Variants in SLC3A1 observed in about 807,000 individuals in gnomAD.
SLC3A1 encodes the protein solute carrier family 3 member 1, also known as amino acid transporter heavy chain SLC3A1.
In SLC3A1, 78 loss-of-function variants were observed where a neutral mutation model predicts 60.3. The observed-to-expected ratio is 1.29, with a 90% CI of 1.08 to 1.56. The LOEUF is 1.56. Ranked by LOEUF, SLC3A1 falls within the 40% of genes most tolerant of loss-of-function variation. The probability of loss-of-function intolerance (pLI) is 0.00; values close to 1 mark genes in which losing one functional copy is unlikely to be tolerated. For missense variants in SLC3A1, 1,172 were observed against 858.9 expected, an observed-to-expected ratio of 1.36 and a Z score of -4.56; for synonymous variants, 392 against 307.9, an observed-to-expected ratio of 1.27 and a Z score of -2.86.
rs1671998882 is a variant in SLC3A1 at position 44,301,242 on chromosome 2, ACT to A, written c.1136+118_1136+119del. 8.3e-6 allele frequency: 11 copies of A among 1,319,378 alleles called. No individual in the cohort carries two copies. The East Asian group carries it at 2.7e-4, about 32-fold the overall frequency. The allele number at this position is 1,319,378 out of a possible 1,614,324, so 81.7% of individuals were successfully genotyped here. On this transcript the variant is annotated intron_variant, in intron 6 of 9. Transcript: ENST00000260649. ...AGTAATAATGTAACAAGCCTGCATAACTCTAATTGATTACAGTTTGGTTGTAC... is the reference window on the plus strand; with the variant it reads ...AGTAATAATGTAACAAGCCTGCATAACTAATTGATTACAGTTTGGTTGTAC...
Position 44,300,014 on chromosome 2 carries a change from G to C in SLC3A1, c.935G>C (p.Ser312Thr), listed in dbSNP as rs201325919. Residue 312 changes from serine (S) to threonine (T), a missense_variant, in exon 5 of 10, where the codon AGT becomes ACT. Physicochemically the swap from Ser to Thr is moderately conservative, Grantham distance 58 (BLOSUM62 1). Coordinates refer to ENST00000260649, the MANE Select transcript of SLC3A1 (RefSeq NM_000341.4). ...FWLTKGVDGFSLDAVKFLLEA... is the reference protein window; with the variant it reads ...FWLTKGVDGFTLDAVKFLLEA... ...CTCACAAAGGGTGTTGATGGTTTTA[G>C]TTTGGATGCTGTTAAATTCCTCCTA... 6.8e-5 allele frequency: 109 copies of C among 1,613,868 alleles called. 1 individual carries two copies. The highest frequency in any genetic ancestry group is 7.5e-5 in the Non-Finnish European group (89 of 1,179,890).
chr2:44,292,751 G>T (rs1327952087), intron 4 of SLC3A1, among the ~76,000 whole-genome samples: 1 of 152,014 alleles, frequency 6.6e-6, no homozygotes, highest in East Asian at 1.9e-4. Context: ...GAGTTGTCCA[G>T]TATCACTGGG....
chr2:44,282,113 C>G (rs890520762), intron 3 of SLC3A1, among the ~76,000 whole-genome samples: 2 of 152,148 alleles, frequency 1.3e-5, no homozygotes, highest in Non-Finnish European at 2.9e-5. Flanking sequence ...CTCAGGTGAT[C>G]CACCTGCCTC....
At chr2:44,300,733 G>T (rs1005524285) in intron 5 of SLC3A1, among the ~76,000 whole-genome samples, 6 of 152,030 alleles carry the variant, frequency 3.9e-5, no homozygotes, top group Admixed American at 6.6e-5. Flanking sequence ...TGACAATTAC[G>T]TGTTGAGAAC....
At chr2:44,300,761 G>C (rs897371893) in intron 5 of SLC3A1, among the ~76,000 whole-genome samples, 1 of 152,056 alleles carries the variant, frequency 6.6e-6, no homozygotes, top group African/African-American at 2.4e-5. Context: ...TCAGTGTTTT[G>C]CTTGGTAAAA....
downstream of SLC3A1, chr2:44,321,611 T>C: frequency 6.8e-7 from 1 of 1,480,190 alleles, no homozygotes; most frequent in Admixed American, 2.6e-5. Flanking sequence ...CAATTAAGAT[T>C]AAATTATTTT....
chr2:44,321,638 G>A (rs763720338), downstream of SLC3A1: 72 of 1,496,406 alleles, frequency 4.8e-5, no homozygotes, highest in Middle Eastern at 1.7e-4. Context: ...CAGAGCTCAC[G>A]TATCAAGTAC....
chr2:44,312,675 A>C lies in SLC3A1; in HGVS notation c.1422A>C (p.Gly474=). 1 of 1,613,480 alleles carries C rather than the reference A, an allele frequency of 6.2e-7. No homozygotes were observed. Among genetic ancestry groups the C allele is most frequent in the South Asian group, 1.1e-5 (1 of 91,058 alleles). ...VMNMLLFTLP[G]TPITYYGEEI... ...ACATGCTTCTTTTCACACTCCCTGG[A>C]ACTCCTATAACTTACTATGGAGAAG... The change falls in exon 8 of 10, where the codon GGA becomes GGC. Residue 474 remains glycine, a synonymous_variant. Transcript: ENST00000260649.
chr2:44,315,805 A>G (rs1364633269), intron 9 of SLC3A1, among the ~76,000 whole-genome samples: 1 of 151,708 alleles, frequency 6.6e-6, no homozygotes, highest in Non-Finnish European at 1.5e-5. Context: ...AAAAATCTAG[A>G]ACTGTTTGGT....
chr2:44,305,733 C>T (rs1025647745), intron 7 of SLC3A1, among the ~76,000 whole-genome samples: 42 of 151,568 alleles, frequency 2.8e-4, no homozygotes, highest in African/African-American at 1.0e-3. Context: ...CTGGCCCTTC[C>T]TTTCTTTAAT....
At position 44,279,822 on chromosome 2, in the gene SLC3A1, C is replaced by G. The variant is rs535182657; in HGVS notation, c.431-894C>G. On this transcript the variant is annotated intron_variant, in intron 1 of 9. Transcript: ENST00000260649. ...AAACAATCTGCCCACCATGGCCTCCCAAAGTGCTGGGATTACAGGCACGTG... is the reference window on the plus strand; with the variant it reads ...AAACAATCTGCCCACCATGGCCTCCGAAAGTGCTGGGATTACAGGCACGTG... 4.6e-5 allele frequency among the ~76,000 whole-genome samples: 7 copies of G among 152,232 alleles called. 1 individual carries two copies. Among genetic ancestry groups the G allele is most frequent in the African/African-American group, 1.4e-4 (6 of 41,528 alleles).
At chr2:44,298,694 C>A (rs1211752815) in intron 4 of SLC3A1, among the ~76,000 whole-genome samples, 1 of 152,060 alleles carries the variant, frequency 6.6e-6, no homozygotes, top group African/African-American at 2.4e-5. Flanking sequence ...CTTATTTGCA[C>A]CAGTCTTCAT....
chr2:44,317,412 T>C (rs1241134225), intron 9 of SLC3A1, among the ~76,000 whole-genome samples: 2 of 149,626 alleles, frequency 1.3e-5, no homozygotes, highest in Non-Finnish European at 3.0e-5. Flanking sequence ...CAGTGAGCCA[T>C]GATCATGCCA....
At chr2:44,309,927 C>T (rs1455342989) in intron 7 of SLC3A1, among the ~76,000 whole-genome samples, 3 of 150,624 alleles carry the variant, frequency 2.0e-5, no homozygotes, top group Non-Finnish European at 2.9e-5. Flanking sequence ...CTCACTTTGT[C>T]ATCACCTAGG....
intron 7 of SLC3A1, among the ~76,000 whole-genome samples, chr2:44,306,499 T>C (rs1279107731): frequency 6.6e-6 from 1 of 151,552 alleles, no homozygotes; most frequent in African/African-American, 2.4e-5. Context: ...ATTAAAACTA[T>C]ACAATTTTTA....
intron 9 of SLC3A1, chr2:44,319,091 T>C (rs1296296333): frequency 6.6e-6 from 1 of 152,528 alleles, no homozygotes; most frequent in East Asian, 1.9e-4. Context: ...CTTAGACAAG[T>C]CATACATGTA....
chr2:44,291,611 T>C (rs1000980274), intron 4 of SLC3A1, among the ~76,000 whole-genome samples: 5 of 152,274 alleles, frequency 3.3e-5, no homozygotes, highest in East Asian at 3.9e-4. Context: ...AAAGGGACCT[T>C]TGGCATGAAG....
At position 44,320,094 on chromosome 2, in the gene SLC3A1, T is replaced by C. The variant is rs550133883; in HGVS notation, c.1618-105T>C. 8.7e-5 allele frequency: 87 copies of C among 1,004,540 alleles called. No individual in the cohort carries two copies. The African/African-American group carries it at 9.7e-4, about 11-fold the overall frequency. The allele number at this position is 1,004,540 out of a possible 1,614,324, so 62.2% of individuals were successfully genotyped here. Reference sequence around the variant, plus strand: ...AATTTGGCAATTATAAGGGGCAAAATTGGAGCAAGTGTTTTGGGTAAATAA... The same window carrying C: ...AATTTGGCAATTATAAGGGGCAAAACTGGAGCAAGTGTTTTGGGTAAATAA... On this transcript the variant is annotated intron_variant, in intron 9 of 9. Coordinates refer to ENST00000260649, the MANE Select transcript of SLC3A1 (RefSeq NM_000341.4).
At chr2:44,299,045 TTTTTTTTTA>T (rs1474606116) in intron 4 of SLC3A1, among the ~76,000 whole-genome samples, 2 of 150,892 alleles carry the variant, frequency 1.3e-5, no homozygotes, top group African/African-American at 4.9e-5. Flanking sequence ...TTTTTTTTTT[TTTTTTTTTA>T]AAAGACAGAG....
Sources: gnomAD v4.1 joint callset for allele counts (sites outside exome capture counted in the v4.1 genomes callset) on GRCh38, gnomAD v4.1.1 for gene constraint, MANE v1.5 for transcripts, NCBI Gene and HGNC (gene_info 2026-07-23, HGNC 2026-07-21) for gene names.